The following FHOD3 variants were observed in gnomAD, a reference collection of about 807,000 sequenced individuals.
FHOD3 encodes FH1/FH2 domain-containing protein 3.
A neutral mutation model predicts 173.0 loss-of-function variants in FHOD3; 90 were observed. The observed-to-expected ratio is 0.52, with a 90% CI of 0.44 to 0.62. FHOD3 has a LOEUF of 0.62. FHOD3 is among the 20% of genes least tolerant of loss of function. FHOD3 has a pLI of 0.00. For missense variants in FHOD3, 1,945 were observed against 2,034.7 expected (o/e 0.96, Z 0.85); for synonymous variants, 828 against 823.0 (o/e 1.01, Z -0.10).
intron 1 of FHOD3, among the ~76,000 whole-genome samples, chr18:36,328,296 A>G (rs751912503): frequency 3.3e-5 from 5 of 152,136 alleles, no homozygotes; most frequent in Admixed American, 6.5e-5. Context: ...AAGACAGGGC[A>G]ATGGAGCAGA....
intron 27 of FHOD3, among the ~76,000 whole-genome samples, chr18:36,767,206 C>G (rs2043177173): frequency 6.6e-6 from 1 of 151,980 alleles, no homozygotes; most frequent in Admixed American, 6.6e-5. Flanking sequence ...GCAAGTAGAT[C>G]AAGTTCCTTT....
rs149463381 is a variant in FHOD3, at chr18:36,702,133, C to T, written c.2237-6962C>T. On this transcript the variant is annotated intron_variant, in intron 17 of 28. Coordinates refer to ENST00000590592, the MANE Select transcript of FHOD3 (RefSeq NM_001281740.3). ...ATTCCTGTAGAGCAGTGATTCTCAA[C>T]CAGGGGTGAGTTTGCTCTCCTGGGG... Among the ~76,000 whole-genome samples the T allele has an allele frequency of 2.6e-5, 4 of 152,290 alleles. No individual in the cohort carries two copies. In the East Asian group the frequency reaches 7.7e-4, roughly 29 times the overall value.
chr18:36,625,264 A>T (rs1398173689), intron 9 of FHOD3, among the ~76,000 whole-genome samples: 1 of 152,202 alleles, frequency 6.6e-6, no homozygotes, highest in African/African-American at 2.4e-5. Flanking sequence ...CTCACTGGTC[A>T]TATTGGCTGC....
At chr18:36,345,156 G>A (rs2045821268) in intron 1 of FHOD3, among the ~76,000 whole-genome samples, 1 of 152,046 alleles carries the variant, frequency 6.6e-6, no homozygotes, top group African/African-American at 2.4e-5. Context: ...CATGTATTGG[G>A]CCATAACACA....
intron 6 of FHOD3, among the ~76,000 whole-genome samples, chr18:36,592,095 T>G (rs1398908409): frequency 2.0e-5 from 3 of 152,178 alleles, no homozygotes; most frequent in Non-Finnish European, 4.4e-5. Context: ...GGTGCGCACC[T>G]GTAGTCCCAG....
chr18:36,358,918 A>G (rs2046483001), intron 2 of FHOD3, among the ~76,000 whole-genome samples: 1 of 152,168 alleles, frequency 6.6e-6, no homozygotes, highest in African/African-American at 2.4e-5. Context: ...ATAGGCATGC[A>G]TAGCTACACA....
intron 3 of FHOD3, among the ~76,000 whole-genome samples, chr18:36,406,908 T>G (rs8085568): frequency 1.1e-4 from 16 of 151,680 alleles, no homozygotes; most frequent in African/African-American, 3.4e-4. Context: ...TACCTACGCA[T>G]CCGCCCTCCA....
At chr18:36,613,915 C>T (rs1275576718) in intron 9 of FHOD3, among the ~76,000 whole-genome samples, 1 of 152,140 alleles carries the variant, frequency 6.6e-6, no homozygotes, top group Non-Finnish European at 1.5e-5. Context: ...TCAAGCAATC[C>T]ACTTGCCTCA....
rs147615902 is a variant in FHOD3 at position 36,492,114 on chromosome 18, G to A, written c.338-9818G>A. On this transcript the variant is annotated intron_variant, in intron 3 of 28. Coordinates refer to ENST00000590592, the MANE Select transcript of FHOD3 (RefSeq NM_001281740.3). ...AATCTGGATGATATCTGATCCTCCC[G>A]TGTTCTTTCCAGTCCTCCACGTGGT... is the stretch of plus-strand genomic sequence containing the variant. Among the ~76,000 whole-genome samples the A allele has an allele frequency of 2.8e-3, 421 of 152,244 alleles. 2 individuals are homozygous for A. Among genetic ancestry groups the A allele is most frequent in the Non-Finnish European group, 3.9e-3 (267 of 68,018 alleles).
intron 2 of FHOD3, among the ~76,000 whole-genome samples, chr18:36,369,512 G>T (rs199572871): frequency 0.19 from 25,456 of 131,118 alleles, 2,946 homozygotes; most frequent in East Asian, 0.58. Flanking sequence ...TATATAGAGA[G>T]AGAGAGAGAG....
intron 1 of FHOD3, among the ~76,000 whole-genome samples, chr18:36,342,622 A>G (rs1231546164): frequency 6.6e-6 from 1 of 152,216 alleles, no homozygotes; most frequent in African/African-American, 2.4e-5. Flanking sequence ...CGTCCTTCAA[A>G]ATGAAGGTGA....
chr18:36,480,902 G>A (rs568344178), intron 3 of FHOD3, among the ~76,000 whole-genome samples: 1 of 148,202 alleles, frequency 6.7e-6, no homozygotes, highest in East Asian at 1.9e-4. Context: ...CCCTTGCCTT[G>A]AGCACTTCCT....
At chr18:36,485,828 A>C (rs2054164651) in intron 3 of FHOD3, among the ~76,000 whole-genome samples, 2 of 152,208 alleles carry the variant, frequency 1.3e-5, no homozygotes, top group Admixed American at 1.3e-4. Context: ...GGTGCTGCCC[A>C]TCATAGGACC....
intron 1 of FHOD3, among the ~76,000 whole-genome samples, chr18:36,328,597 C>G (rs1364271772): frequency 6.6e-6 from 1 of 152,110 alleles, no homozygotes; most frequent in Admixed American, 6.6e-5. Flanking sequence ...CACAAGAGAT[C>G]CCTCTGGCTG....
intron 10 of FHOD3, among the ~76,000 whole-genome samples, chr18:36,634,414 T>C (rs1288921883): frequency 6.6e-6 from 1 of 152,190 alleles, no homozygotes; most frequent in East Asian, 1.9e-4. Flanking sequence ...CAGCTTCCCA[T>C]GCCTTGTCCA....
At chr18:36,645,523 G>A (rs2035619702) in intron 10 of FHOD3, among the ~76,000 whole-genome samples, 1 of 152,066 alleles carries the variant, frequency 6.6e-6, no homozygotes, top group Admixed American at 6.6e-5. Context: ...TCTGCTAGAG[G>A]CACCCCGAGT....
At chr18:36,300,692 C>T (rs1464549062) in intron 1 of FHOD3, among the ~76,000 whole-genome samples, 3 of 152,078 alleles carry the variant, frequency 2.0e-5, no homozygotes. Context: ...TCAGAGTGCT[C>T]TCAGCTCTCC....
intron 1 of FHOD3, among the ~76,000 whole-genome samples, chr18:36,341,909 G>C (rs1025888272): frequency 1.6e-4 from 24 of 152,140 alleles, no homozygotes; most frequent in African/African-American, 5.8e-4. Flanking sequence ...AGAAAAAAAG[G>C]CCACAGAAAC....
rs545842163 is a variant in FHOD3 at position 36,422,430 on chromosome 18, A to G, written c.337+49686A>G. On this transcript the variant is annotated intron_variant, in intron 3 of 28. Coordinates refer to ENST00000590592, the MANE Select transcript of FHOD3 (RefSeq NM_001281740.3). ...TGTCTATTCTTGGCCATGGTAAACA[A>G]TGCTGCAGTGAATAACGTTGCATAT... Among the ~76,000 whole-genome samples, 29 of 152,324 alleles carry G rather than the reference A, an allele frequency of 1.9e-4. No homozygotes were observed. The South Asian group carries it at 4.1e-3, about 22-fold the overall frequency.
Sources: allele counts gnomAD v4.1 joint callset (sites outside exome capture counted in the v4.1 genomes callset), GRCh38; gene constraint gnomAD v4.1.1; transcripts MANE v1.5; gene names NCBI Gene and HGNC (gene_info 2026-07-23, HGNC 2026-07-21).